Variants in TRPM6 observed in about 807,000 individuals in gnomAD.
The protein encoded by TRPM6 is transient receptor potential cation channel subfamily M member 6.
TRPM6 carries 111 observed loss-of-function variants against 247.6 expected under a neutral mutation model. The ratio of observed to expected loss-of-function variants is 0.45; its 90% CI spans 0.38 to 0.52. The LOEUF is 0.52. Among genes scored for constraint, TRPM6 ranks in the 20% least tolerant of loss-of-function variants. The pLI is 0.00. For missense variants in TRPM6, 2,126 were observed against 2,421.5 expected, an observed-to-expected ratio of 0.88 and a Z score of 2.56; for synonymous variants, 892 against 853.8, an observed-to-expected ratio of 1.04 and a Z score of -0.78.
intron 19 of TRPM6, among the ~76,000 whole-genome samples, chr9:74,789,818 A>G (rs56263850): frequency 0.3 from 45,712 of 151,808 alleles, 7,871 homozygotes; most frequent in African/African-American, 0.48. Flanking sequence ...AAAATTAGCT[A>G]GGCATGGTGG....
chr9:74,802,356 T>C (rs184741771), intron 15 of TRPM6, among the ~76,000 whole-genome samples, 181 bp from the exon 16 acceptor site: 3 of 152,332 alleles, frequency 2.0e-5, no homozygotes, highest in Admixed American at 2.0e-4. Flanking sequence ...AATCTACTTC[T>C]TGTTGCATTT....
At chr9:74,787,868 AC>A (rs745656598) in intron 20 of TRPM6, among the ~76,000 whole-genome samples, 29 of 152,138 alleles carry the variant, frequency 1.9e-4, no homozygotes, top group Middle Eastern at 3.2e-3. Context: ...GGTGCATGCC[AC>A]CATGCCCGGC....
intron 21 of TRPM6, among the ~76,000 whole-genome samples, chr9:74,783,682 T>C (rs549082071): frequency 1.5e-4 from 23 of 152,322 alleles, no homozygotes; most frequent in African/African-American, 5.1e-4. Context: ...CATTGAAATA[T>C]ATTGGTTATC....
chr9:74,828,038 A>C, intron 6 of TRPM6, 89 bp from the exon 7 acceptor site: 1 of 1,368,352 alleles, frequency 7.3e-7, no homozygotes, highest in Non-Finnish European at 1.0e-6. Flanking sequence ...ATGTGCTAAA[A>C]GAGTTCCTGT....
At chr9:74,836,871 C>T (rs531913311) in intron 5 of TRPM6, among the ~76,000 whole-genome samples, 1 of 152,322 alleles carries the variant, frequency 6.6e-6, no homozygotes, top group Non-Finnish European at 1.5e-5. Flanking sequence ...CGCTTCCTAC[C>T]TTTACCACAA....
At chr9:74,851,773 T>C (rs1173645273) in intron 3 of TRPM6, among the ~76,000 whole-genome samples, 1 of 141,664 alleles carries the variant, frequency 7.1e-6, no homozygotes, top group East Asian at 2.1e-4. Context: ...AATATATATA[T>C]ATAATACATA....
Position 74,816,340 on chromosome 9 carries a change from T to G in TRPM6, c.1308+329A>C, listed in dbSNP as rs557881225. Among the ~76,000 whole-genome samples the G allele has an allele frequency of 1.8e-4, 27 of 152,102 alleles. No individual in the cohort carries two copies. In the South Asian group the frequency reaches 5.4e-3, roughly 30 times the overall value. ...GCTATGATCATACCATTGCATGACA[T>G]CCTGGGCAACAGAGTGAGAACTTGT... On this transcript the variant is annotated intron_variant, in intron 11 of 38. Transcript: ENST00000360774.
chr9:74,813,849 C>T (rs1828825747), intron 11 of TRPM6, among the ~76,000 whole-genome samples: 1 of 152,206 alleles, frequency 6.6e-6, no homozygotes, highest in African/African-American at 2.4e-5. Flanking sequence ...ATAATCCCAG[C>T]ACTTTGGGAG....
intron 11 of TRPM6, among the ~76,000 whole-genome samples, chr9:74,814,787 A>G (rs973197472): frequency 4.6e-5 from 7 of 152,194 alleles, no homozygotes; most frequent in Admixed American, 3.3e-4. Flanking sequence ...TGTCTCTACT[A>G]AAAATACAAA....
At chr9:74,752,203 G>A (rs908442577) in intron 29 of TRPM6, 74 bp downstream of exon 29, 2 of 826,078 alleles carry the variant, frequency 2.4e-6, no homozygotes, top group Admixed American at 4.1e-5. Context: ...GGGACATAAA[G>A]GTAAAATGGG....
At chr9:74,756,105 C>G (rs1237735286) in intron 27 of TRPM6, among the ~76,000 whole-genome samples, 1 of 152,294 alleles carries the variant, frequency 6.6e-6, no homozygotes, top group Non-Finnish European at 1.5e-5. Context: ...AATTATTGAA[C>G]TCAGTTGCAA....
At chr9:74,826,337 G>C (rs1223120668) in intron 7 of TRPM6, among the ~76,000 whole-genome samples, 1 of 152,192 alleles carries the variant, frequency 6.6e-6, no homozygotes, top group Non-Finnish European at 1.5e-5. Flanking sequence ...GCTGCCTCCA[G>C]GGATCAAGGC....
chr9:74,754,759 C>A (rs1191180180), intron 28 of TRPM6, among the ~76,000 whole-genome samples: 1 of 152,148 alleles, frequency 6.6e-6, no homozygotes, highest in Non-Finnish European at 1.5e-5. Context: ...GTCCAAAGTT[C>A]CTATCATTGC....
intron 20 of TRPM6, among the ~76,000 whole-genome samples, chr9:74,786,914 T>A (rs1010332575): frequency 6.6e-6 from 1 of 151,758 alleles, no homozygotes; most frequent in Non-Finnish European, 1.5e-5. Context: ...GAATATGATA[T>A]TGGGCCGGGT....
At chr9:74,827,589 T>C (rs907830470) in intron 7 of TRPM6, 189 bp downstream of exon 7, 2 of 702,094 alleles carry the variant, frequency 2.8e-6, no homozygotes, top group African/African-American at 3.5e-5. Context: ...CCTCGAAGTG[T>C]CATTTGGATT....
At chr9:74,817,903 C>T (rs1828998559) in intron 9 of TRPM6, among the ~76,000 whole-genome samples, 1 of 152,200 alleles carries the variant, frequency 6.6e-6, no homozygotes, top group South Asian at 2.1e-4. Flanking sequence ...TATCTTGAGG[C>T]TGCTGCTGAA....
chr9:74,726,459 G>A (rs954844430), intron 38 of TRPM6, among the ~76,000 whole-genome samples: 1 of 152,104 alleles, frequency 6.6e-6, no homozygotes, highest in Non-Finnish European at 1.5e-5. Flanking sequence ...GCAGTGAGCC[G>A]AGATTGCCCC....
chr9:74,868,518 A>AAATAC (rs1830926511), intron 1 of TRPM6, among the ~76,000 whole-genome samples: 1 of 152,090 alleles, frequency 6.6e-6, no homozygotes, highest in African/African-American at 2.4e-5. Flanking sequence ...AAATAAAATA[A>AAATAC]AATAAAAAGT....
chr9:74,776,045 T>A lies in TRPM6; in HGVS notation c.3241A>T (p.Asn1081Tyr). 2 of 1,614,050 alleles carry A rather than the reference T, an allele frequency of 1.2e-6. No homozygotes were observed. The highest frequency in any genetic ancestry group is 1.7e-6 in the Non-Finnish European group (2 of 1,179,974). ...NVYLDMESIS[N>Y]NLWKYNRYRY... ...TAGCGGTTGTATTTCCACAGGTTAT[T>A]TGAAATGGATTCCATATCTAAGTAA... The change falls in exon 24 of 39, where the codon AAT becomes TAT. Residue 1081 changes from asparagine to tyrosine, a missense_variant. Coordinates refer to ENST00000360774, the MANE Select transcript of TRPM6 (RefSeq NM_017662.5).
Sources: allele counts gnomAD v4.1 joint callset (sites outside exome capture counted in the v4.1 genomes callset), GRCh38; gene constraint gnomAD v4.1.1; transcripts MANE v1.5; gene names NCBI Gene and HGNC (gene_info 2026-07-23, HGNC 2026-07-21).